The following STARD13 variants were observed in gnomAD, a reference collection of about 807,000 sequenced individuals.
The protein encoded by STARD13 is stAR-related lipid transfer protein 13.
A neutral mutation model predicts 106.4 loss-of-function variants in STARD13; 62 were observed. That is an observed-to-expected ratio of 0.58 (90% CI 0.48 to 0.72). The LOEUF is 0.72. Among genes scored for constraint, STARD13 ranks in the 30% least tolerant of loss-of-function variants. The pLI is 0.00. For missense variants in STARD13, 1,387 were observed against 1,424.0 expected, an observed-to-expected ratio of 0.97 and a Z score of 0.42; for synonymous variants, 565 against 553.0, an observed-to-expected ratio of 1.02 and a Z score of -0.31.
At chr13:33,153,468 G>A (rs1473813) in intron 3 of STARD13, among the ~76,000 whole-genome samples, 57,210 of 151,902 alleles carry the variant, frequency 0.38, 10,866 homozygotes, top group Non-Finnish European at 0.39. Context: ...AACGCTGGGC[G>A]ACTGTGTGCC....
intron 1 of STARD13, chr13:33,281,288 C>CGGATTA (rs1440268647): frequency 1.3e-5 from 2 of 152,014 alleles, no homozygotes; most frequent in African/African-American, 4.8e-5. Flanking sequence ...GACTGCAATC[C>CGGATTA]GGATTATGCT....
At position 33,164,689 on chromosome 13, in the gene STARD13, C is replaced by T. The variant is rs150758714; in HGVS notation, c.323+648G>A. ...TATAATTGTTATTTGCTCAGGTATT[C>T]ACACCTCATTTCTTCAACTGAGTTT... On this transcript the variant is annotated intron_variant, in intron 3 of 13. Coordinates refer to ENST00000336934, the MANE Select transcript of STARD13 (RefSeq NM_178006.4). Among the ~76,000 whole-genome samples the T allele has an allele frequency of 4.6e-3, 702 of 152,260 alleles. 5 individuals carry two copies. Among genetic ancestry groups the T allele is most frequent in the African/African-American group, 0.016 (654 of 41,556 alleles).
intron 1 of STARD13, among the ~76,000 whole-genome samples, chr13:33,246,962 C>T (rs1455916481): frequency 5.3e-5 from 8 of 152,114 alleles, no homozygotes; most frequent in African/African-American, 1.7e-4. Context: ...TTTGGGAGGC[C>T]GAGGCAGGTG....
chr13:33,118,213 G>A lies in STARD13; in HGVS notation c.2133C>T (p.Arg711=), dbSNP rs1460208175. The A allele has an allele frequency of 1.2e-6, 2 of 1,614,050 alleles. No individual in the cohort carries two copies. Among genetic ancestry groups the A allele is most frequent in the Non-Finnish European group, 1.7e-6 (2 of 1,180,056 alleles). The part of the protein sequence containing the change: ...SGVKSRIHAL[R]QMNENFPENV... ...TCTCAGGGAAGTTTTCATTCATTTG[G>A]CGAAGGGCATGGATTCGAGACTTCA... The change falls in exon 8 of 14, where the codon CGC becomes CGT. Residue 711 remains arginine (R), a synonymous_variant. Coordinates refer to ENST00000336934, the MANE Select transcript of STARD13 (RefSeq NM_178006.4).
At chr13:33,197,042 T>C (rs1886671404) in intron 1 of STARD13, among the ~76,000 whole-genome samples, 1 of 152,124 alleles carries the variant, frequency 6.6e-6, no homozygotes, top group African/African-American at 2.4e-5. Flanking sequence ...CTGATATGAG[T>C]GTATATTCAA....
chr13:33,439,619 A>G, the STARD13 span: 16 of 739,000 alleles, frequency 2.2e-5, no homozygotes, highest in Non-Finnish European at 2.8e-5. Flanking sequence ...GTTTAAATTT[A>G]TAGGGATGAG....
chr13:33,531,618 A>T, the STARD13 span, among the ~76,000 whole-genome samples: 5 of 152,200 alleles, frequency 3.3e-5, no homozygotes, highest in African/African-American at 1.2e-4. Flanking sequence ...AATCCAAGCA[A>T]TAGGGACAGT....
intron 7 of STARD13, among the ~76,000 whole-genome samples, chr13:33,119,119 C>T (rs1210064444): frequency 6.6e-6 from 1 of 152,112 alleles, no homozygotes; most frequent in Non-Finnish European, 1.5e-5. Context: ...GAAGATCCTG[C>T]AATGGTGGGG....
rs1363060013 is a variant in STARD13 at position 33,336,217 on chromosome 13, G to A, written c.124+14073C>T. 5 of 152,308 alleles carry A rather than the reference G, an allele frequency of 3.3e-5. No individual in the cohort carries two copies. The East Asian group carries it at 9.6e-4, about 29-fold the overall frequency. The allele number at this position is 152,308 out of a possible 1,614,324, so 9.4% of individuals were successfully genotyped here. A position where few individuals can be genotyped will look rare whatever the true frequency, so the allele number is the denominator to read the frequency against. On this transcript the variant is annotated intron_variant, in intron 1 of 5. Coordinates refer to the STARD13 transcript ENST00000567873. ...TAAATTTCTGAATACTAATGACTGT[G>A]CTATTAAGGTTTAATTTATTTATAC...
the STARD13 span, among the ~76,000 whole-genome samples, chr13:33,468,272 G>A: frequency 6.6e-6 from 1 of 152,056 alleles, no homozygotes; most frequent in South Asian, 2.1e-4. Context: ...ATCTCTACAG[G>A]CCCCTGATGT....
chr13:33,329,655 A>ATGTGTGTG (rs34427794), intron 1 of STARD13, among the ~76,000 whole-genome samples: 27 of 144,310 alleles, frequency 1.9e-4, no homozygotes, highest in African/African-American at 6.2e-4. Flanking sequence ...GTGTGTGTGT[A>ATGTGTGTG]TGTGTGTGTG....
At chr13:33,352,681 G>C (rs2078090084), upstream of STARD13, among the ~76,000 whole-genome samples, 1 of 152,234 alleles carries the variant, frequency 6.6e-6, no homozygotes. Flanking sequence ...TGCCGGCTGA[G>C]CAGTGTGTGC....
At chr13:33,418,349 C>A in the STARD13 span, among the ~76,000 whole-genome samples, 4 of 152,214 alleles carry the variant, frequency 2.6e-5, no homozygotes, top group Non-Finnish European at 5.9e-5. Flanking sequence ...GCACAGCAGT[C>A]TGAGATCAAC....
intron 1 of STARD13, among the ~76,000 whole-genome samples, chr13:33,325,720 C>T (rs1268850428): frequency 2.6e-5 from 4 of 152,078 alleles, no homozygotes; most frequent in African/African-American, 7.2e-5. Flanking sequence ...AGTGGCCGGG[C>T]GCGGTGGCTC....
At position 33,129,271 on chromosome 13, in the gene STARD13, G is replaced by A. The variant is rs1313848334; in HGVS notation, c.1406C>T (p.Ala469Val). ...CAAGTCCAAAAGATCTCCTGTGCTG[G>A]CATACAGATGGGAGCCAGGGACATT... is the stretch of plus-strand genomic sequence containing the variant. ...YDNVPGSHLYASTGDLLDLEK... is the reference protein window; with the variant it reads ...YDNVPGSHLYVSTGDLLDLEK... The change falls in exon 5 of 14, where the codon GCC becomes GTC. Residue 469 changes from alanine to valine, a missense_variant. Ala to Val is a moderately conservative substitution (Grantham distance 64). Transcript: ENST00000336934. 6.2e-7 allele frequency: 1 copy of A among 1,613,992 alleles called. No individual in the cohort carries two copies. Among genetic ancestry groups the A allele is most frequent in the African/African-American group, 1.3e-5 (1 of 74,908 alleles).
chr13:33,484,106 C>T, the STARD13 span, among the ~76,000 whole-genome samples: 1 of 152,144 alleles, frequency 6.6e-6, no homozygotes, highest in Admixed American at 6.6e-5. Context: ...GTGGAAGAGA[C>T]CCAATCAAAC....
intron 1 of STARD13, among the ~76,000 whole-genome samples, chr13:33,294,176 A>C (rs1892401193): frequency 6.6e-6 from 1 of 152,206 alleles, no homozygotes; most frequent in African/African-American, 2.4e-5. Context: ...TGTATCAGTT[A>C]CAAATTGTAT....
At chr13:33,581,416 A>G in the STARD13 span, among the ~76,000 whole-genome samples, 1 of 152,166 alleles carries the variant, frequency 6.6e-6, no homozygotes, top group Admixed American at 6.5e-5. Flanking sequence ...TTGTCTTGGT[A>G]GTTAATTATC....
chr13:33,204,445 A>G (rs530630146), intron 1 of STARD13, among the ~76,000 whole-genome samples: 1 of 152,338 alleles, frequency 6.6e-6, no homozygotes, highest in African/African-American at 2.4e-5. Context: ...TAATGAAAAG[A>G]CAGTACGACA....
Sources: allele counts gnomAD v4.1 joint callset (sites outside exome capture counted in the v4.1 genomes callset), GRCh38; gene constraint gnomAD v4.1.1; transcripts MANE v1.5; gene names NCBI Gene and HGNC (gene_info 2026-07-23, HGNC 2026-07-21).